Variants in RGS20 observed in about 807,000 individuals in gnomAD.
RGS20 encodes regulator of G protein signaling 20.
RGS20 carries 30 observed loss-of-function variants against 33.6 expected under a neutral mutation model. The observed-to-expected ratio is 0.89, with a 90% CI of 0.67 to 1.21. RGS20 has a LOEUF of 1.21. Among genes scored for constraint, RGS20 ranks in the 50% most tolerant of loss-of-function variants. The pLI, the probability that RGS20 is intolerant of heterozygous loss-of-function variation, is 0.00. For synonymous variants in RGS20, 208 were observed against 197.9 expected, an observed-to-expected ratio of 1.05 and a Z score of -0.43; for missense variants, 472 against 502.4, an observed-to-expected ratio of 0.94 and a Z score of 0.58.
chr8:53,880,221 G>C (rs1216101436), intron 2 of RGS20: 1 of 152,358 alleles, frequency 6.6e-6, no homozygotes, highest in Non-Finnish European at 1.5e-5. Context: ...CCCGGACTCC[G>C]GAGTCCCTGG....
chr8:53,933,557 A>G (rs1397281884), intron 2 of RGS20: 1 of 152,244 alleles, frequency 6.6e-6, no homozygotes, highest in Non-Finnish European at 1.5e-5. Context: ...ACAAGATTAG[A>G]GAAAAATGAA....
chr8:53,881,206 T>G, intron 2 of RGS20, 122 bp downstream of exon 1: 1 of 681,714 alleles, frequency 1.5e-6, no homozygotes, highest in Non-Finnish European at 2.2e-6. Context: ...GGTGTCGCCG[T>G]TGCTGCGGGG....
At chr8:53,884,191 C>CTTTTTTTTTTT (rs4014055) in intron 2 of RGS20, among the ~76,000 whole-genome samples, 22 of 103,456 alleles carry the variant, frequency 2.1e-4, no homozygotes, top group African/African-American at 1.0e-3. Context: ...GAAAAACAGT[C>CTTTTTTTTTTT]TTTTTTTTTT....
chr8:53,881,111 CTT>C (rs754668487), intron 2 of RGS20, 27 bp downstream of exon 1: 1 of 1,477,212 alleles, frequency 6.8e-7, no homozygotes, highest in South Asian at 1.3e-5. Flanking sequence ...CTCGAACTCT[CTT>C]TCTTCGTCTC....
chr8:53,867,342 C>G lies in RGS20; in HGVS notation c.166-11916C>G, dbSNP rs1280040867. Among the ~76,000 whole-genome samples, 3 of 152,334 alleles carry G rather than the reference C, an allele frequency of 2.0e-5. No individual in the cohort carries two copies. In the East Asian group the frequency reaches 5.8e-4, roughly 29 times the overall value. Reference sequence around the variant, plus strand: ...TTTTTCATGCCTGCATTTGCTTCCACCAGCTCTTGGGATTTGGATGAGAGG... The same window carrying G: ...TTTTTCATGCCTGCATTTGCTTCCAGCAGCTCTTGGGATTTGGATGAGAGG... On this transcript the variant is annotated intron_variant, in intron 1 of 5. Coordinates refer to ENST00000297313, the MANE Select transcript of RGS20 (RefSeq NM_170587.4).
chr8:53,947,527 T>C (rs890866539), intron 4 of RGS20, among the ~76,000 whole-genome samples: 7 of 138,116 alleles, frequency 5.1e-5, no homozygotes, highest in African/African-American at 1.8e-4. Flanking sequence ...ATATATGCTA[T>C]ATAGGATATA....
intron 1 of RGS20, among the ~76,000 whole-genome samples, chr8:53,862,797 T>G (rs1811837769): frequency 6.6e-6 from 1 of 152,076 alleles, no homozygotes; most frequent in African/African-American, 2.4e-5. Flanking sequence ...AGACCCTATC[T>G]CTAAAAAGAA....
intron 2 of RGS20, among the ~76,000 whole-genome samples, chr8:53,934,970 A>C (rs1814086843): frequency 6.6e-6 from 1 of 152,170 alleles, no homozygotes; most frequent in Non-Finnish European, 1.5e-5. Flanking sequence ...TCAAAACCGC[A>C]CAACTGCATG....
chr8:53,907,650 G>A lies in RGS20; in HGVS notation c.510+28048G>A, dbSNP rs1813220335. Among the ~76,000 whole-genome samples the A allele has an allele frequency of 2.0e-5, 3 of 152,168 alleles. No individual in the cohort carries two copies. In the South Asian group the frequency reaches 6.2e-4, roughly 31 times the overall value. ...TAAAGAGTAAGAGAGACGCTCTTGG[G>A]GATGAGGAGTGGCGGGGCAGGTAAT... On this transcript the variant is annotated intron_variant, in intron 2 of 5. Transcript: ENST00000297313.
At chr8:53,937,479 A>G (rs1027343218) in intron 2 of RGS20, among the ~76,000 whole-genome samples, 5 of 152,134 alleles carry the variant, frequency 3.3e-5, no homozygotes. Flanking sequence ...ATGAGCAAAG[A>G]CTTCATGACT....
At position 53,958,260 on chromosome 8, in the gene RGS20, C is replaced by T; in HGVS notation, c.979-10C>T. On this transcript the variant is annotated splice_polypyrimidine_tract_variant and intron_variant, in intron 5 of 5. Transcript: ENST00000297313. ...TCTCTAATACAGCTCCTACTCGTTT[C>T]TGTCGACAGGTGAGCTTAGACTCCC... 1.9e-6 allele frequency: 3 copies of T among 1,593,442 alleles called. No individual in the cohort carries two copies. The highest frequency in any genetic ancestry group is 3.4e-5 in the Admixed American group (2 of 58,382).
intron 4 of RGS20, among the ~76,000 whole-genome samples, chr8:53,950,960 T>C (rs1814695442): frequency 6.6e-6 from 1 of 152,186 alleles, no homozygotes; most frequent in Non-Finnish European, 1.5e-5. Flanking sequence ...AAATAGACTT[T>C]AAAAAATTTT....
At chr8:53,886,686 C>A (rs1396013282) in intron 2 of RGS20, among the ~76,000 whole-genome samples, 1 of 152,192 alleles carries the variant, frequency 6.6e-6, no homozygotes, top group Non-Finnish European at 1.5e-5. Flanking sequence ...GAGTGGAGAA[C>A]GCCCTGCTAT....
intron 1 of RGS20, among the ~76,000 whole-genome samples, chr8:53,866,240 G>A (rs1353224015): frequency 6.6e-6 from 1 of 152,130 alleles, no homozygotes; most frequent in Non-Finnish European, 1.5e-5. Flanking sequence ...CAAGGAATAG[G>A]TGACAGAAAG....
At chr8:53,911,568 T>C (rs1397324749) in intron 2 of RGS20, among the ~76,000 whole-genome samples, 2 of 152,074 alleles carry the variant, frequency 1.3e-5, no homozygotes, top group Admixed American at 1.3e-4. Flanking sequence ...AATATAGTCA[T>C]ATGGTAGTAG....
In RGS20 at chr8:53,939,586, C is replaced by A. The variant is rs775903177; in HGVS notation, c.521C>A (p.Ser174Ter). The change falls in exon 3 of 6, where the codon TCA (serine) becomes TAA (stop). Residue 174 changes from serine (S) to a stop codon, truncating the protein, a stop_gained. Coordinates refer to ENST00000297313, the MANE Select transcript of RGS20 (RefSeq NM_170587.4). LOFTEE classifies it high-confidence loss of function. ...CTCTCCCTCTTGCAGCAGATGGGAT[C>A]AGAGCGGATGGAGATGCGGAAGCGG... 6.3e-7 allele frequency: 1 copy of A among 1,590,104 alleles called. No homozygotes were observed. The highest frequency in any genetic ancestry group is 8.6e-7 in the Non-Finnish European group (1 of 1,168,576).
At chr8:53,890,191 A>G (rs1812674871) in intron 2 of RGS20, among the ~76,000 whole-genome samples, 1 of 151,594 alleles carries the variant, frequency 6.6e-6, no homozygotes, top group South Asian at 2.1e-4. Context: ...TTTTCTGTTG[A>G]CCTGTGTTTT....
intron 2 of RGS20, among the ~76,000 whole-genome samples, chr8:53,900,780 C>CGA (rs1264153471): frequency 1.3e-5 from 2 of 152,148 alleles, no homozygotes; most frequent in African/African-American, 4.8e-5. Context: ...GCTCTCCTCC[C>CGA]GCTATTGCAC....
intron 1 of RGS20, among the ~76,000 whole-genome samples, chr8:53,856,419 A>C (rs1211201779): frequency 6.6e-6 from 1 of 152,098 alleles, no homozygotes; most frequent in Non-Finnish European, 1.5e-5. Flanking sequence ...GGGTTTCACC[A>C]TGTTGACTGG....
Sources: gnomAD v4.1 joint callset for allele counts (sites outside exome capture counted in the v4.1 genomes callset) on GRCh38, gnomAD v4.1.1 for gene constraint, MANE v1.5 for transcripts, NCBI Gene and HGNC (gene_info 2026-07-23, HGNC 2026-07-21) for gene names.